The following RCSD1 variants were observed in gnomAD, a reference collection of about 807,000 sequenced individuals.
The protein encoded by RCSD1 is capZ-interacting protein.
RCSD1 carries 26 observed loss-of-function variants against 42.5 expected under a neutral mutation model. That is an observed-to-expected ratio of 0.61 (90% CI 0.45 to 0.85). The LOEUF is 0.85. Ranked by LOEUF, RCSD1 falls within the 40% of genes least tolerant of loss-of-function variation. The pLI, the probability that RCSD1 is intolerant of heterozygous loss-of-function variation, is 0.00. For missense variants in RCSD1, 571 were observed against 528.3 expected (o/e 1.08, Z -0.79); for synonymous variants, 220 against 212.2 (o/e 1.04, Z -0.32).
chr1:167,682,172 CTT>C (rs375451420), intron 1 of RCSD1, among the ~76,000 whole-genome samples: 15 of 140,396 alleles, frequency 1.1e-4, no homozygotes, highest in South Asian at 4.5e-4. Flanking sequence ...TAAACGAAGC[CTT>C]TTTTTTTTTT....
Position 167,697,843 on chromosome 1 carries a change from G to T in RCSD1, c.1218+1G>T. The T allele has an allele frequency of 1.4e-6, 2 of 1,460,980 alleles. No homozygotes were observed. The highest frequency in any genetic ancestry group is 2.8e-5 in the African/African-American group (2 of 70,482). 90.5% of individuals were successfully genotyped at this position (1,460,980 alleles called of 1,614,324 possible). The stretch of plus-strand genomic sequence containing the variant: ...CGAGCCAGCAGTCCCCAAGCCGGAG[G>T]TAGGTGGCCTGGCTCGTTCACATGC... On this transcript the variant is annotated splice_donor_variant, in intron 6 of 6. Transcript: ENST00000367854. LOFTEE classifies it high-confidence loss of function.
At chr1:167,703,416 G>T (rs1277573329) in intron 6 of RCSD1, among the ~76,000 whole-genome samples, 1 of 152,180 alleles carries the variant, frequency 6.6e-6, no homozygotes, top group Non-Finnish European at 1.5e-5. Flanking sequence ...TATTTTAGGA[G>T]GCCGAGGCAT....
chr1:167,645,046 G>C (rs1427004480), intron 1 of RCSD1, among the ~76,000 whole-genome samples: 3 of 152,162 alleles, frequency 2.0e-5, no homozygotes, highest in Non-Finnish European at 2.9e-5. Context: ...GGCAGGCCAC[G>C]GGGCTCTATC....
rs569178198 is a variant in RCSD1, at chr1:167,704,205, C to T, written c.1219-459C>T. On this transcript the variant is annotated intron_variant, in intron 6 of 6. Coordinates refer to ENST00000367854, the MANE Select transcript of RCSD1 (RefSeq NM_052862.4). Reference sequence around the variant, plus strand: ...TTTTCAACTCTTTCTGTCCTTTTTCCATTTATATGCTGCCTAAGAATCTTG... The same window carrying T: ...TTTTCAACTCTTTCTGTCCTTTTTCTATTTATATGCTGCCTAAGAATCTTG... 4.6e-5 allele frequency among the ~76,000 whole-genome samples: 7 copies of T among 152,148 alleles called. No individual in the cohort carries two copies. The East Asian group carries it at 1.4e-3, about 29-fold the overall frequency.
intron 6 of RCSD1, among the ~76,000 whole-genome samples, chr1:167,700,077 T>A (rs144308859): frequency 8.7e-4 from 132 of 152,362 alleles, no homozygotes; most frequent in African/African-American, 3.1e-3. Context: ...CTACAGAACC[T>A]GGAACATAGT....
At chr1:167,668,915 T>C (rs1401485804) in intron 1 of RCSD1, among the ~76,000 whole-genome samples, 1 of 152,188 alleles carries the variant, frequency 6.6e-6, no homozygotes, top group African/African-American at 2.4e-5. Context: ...CATTCATAAA[T>C]ACTTTCTAGA....
At chr1:167,641,157 G>A (rs1320681608) in intron 1 of RCSD1, among the ~76,000 whole-genome samples, 2 of 152,120 alleles carry the variant, frequency 1.3e-5, no homozygotes, top group East Asian at 3.9e-4. Flanking sequence ...GCAGTTGGGA[G>A]GGGAAGTCTG....
At chr1:167,689,279 C>T (rs1249086746) in intron 3 of RCSD1, among the ~76,000 whole-genome samples, 1 of 152,036 alleles carries the variant, frequency 6.6e-6, no homozygotes, top group African/African-American at 2.4e-5. Context: ...GTCAGGAGTT[C>T]GAGACCAACC....
intron 1 of RCSD1, among the ~76,000 whole-genome samples, chr1:167,681,411 T>C (rs1032074712): frequency 2.0e-5 from 3 of 152,176 alleles, no homozygotes; most frequent in Non-Finnish European, 4.4e-5. Flanking sequence ...TCTGCCAAGC[T>C]TCGACAAGCT....
intron 2 of RCSD1, among the ~76,000 whole-genome samples, chr1:167,685,000 G>A (rs189239247): frequency 2.2e-4 from 34 of 152,316 alleles, no homozygotes; most frequent in Non-Finnish European, 4.0e-4. Flanking sequence ...CTATTTCGGG[G>A]TTTTGTTTTC....
At chr1:167,632,227 G>C (rs1657718947) in intron 1 of RCSD1, among the ~76,000 whole-genome samples, 1 of 152,222 alleles carries the variant, frequency 6.6e-6, no homozygotes, top group African/African-American at 2.4e-5. Context: ...TTTAGAAGTG[G>C]CTTCCCTCTT....
chr1:167,661,573 C>T (rs1003024811), intron 1 of RCSD1, among the ~76,000 whole-genome samples: 5 of 152,378 alleles, frequency 3.3e-5, no homozygotes, highest in Admixed American at 2.6e-4. Flanking sequence ...AGTGGAGCCA[C>T]CTCTCCTGCA....
chr1:167,687,128 T>G (rs904497363), intron 3 of RCSD1, among the ~76,000 whole-genome samples: 1 of 152,192 alleles, frequency 6.6e-6, no homozygotes, highest in Non-Finnish European at 1.5e-5. Context: ...AAGGGCTGGT[T>G]AAGTCCAAGG....
intron 1 of RCSD1, among the ~76,000 whole-genome samples, chr1:167,650,385 C>T (rs945640201): frequency 1.3e-5 from 2 of 152,142 alleles, no homozygotes; most frequent in African/African-American, 4.8e-5. Flanking sequence ...TTGTGGCTTC[C>T]CTTTGAAGCT....
chr1:167,705,255 T>C lies in RCSD1; in HGVS notation c.*559T>C, dbSNP rs959727159. ...TTGTATCAAAACCCTAGAGACAACT[T>C]TTCAATTTGATCCAAATTTGAACTG... On this transcript the variant is annotated 3_prime_UTR_variant, in exon 7 of 7. Transcript: ENST00000367854. 1 of 152,278 alleles carries C rather than the reference T, an allele frequency of 6.6e-6. No individual in the cohort carries two copies. The highest frequency in any genetic ancestry group is 1.5e-5 in the Non-Finnish European group (1 of 68,112). 9.4% of individuals were successfully genotyped at this position (152,278 alleles called of 1,614,324 possible).
At chr1:167,692,680 A>T (rs74120632) in intron 4 of RCSD1, among the ~76,000 whole-genome samples, 2 of 151,992 alleles carry the variant, frequency 1.3e-5, no homozygotes, top group African/African-American at 4.8e-5. Context: ...GCTTTTTGAC[A>T]TGGTTTGGGC....
chr1:167,683,830 A>G (rs1659146629), intron 1 of RCSD1, 70 bp from the exon 2 acceptor site: 2 of 1,418,572 alleles, frequency 1.4e-6, no homozygotes, highest in African/African-American at 1.4e-5. Flanking sequence ...TTGCAGCCAC[A>G]AAACAGGTGC....
In RCSD1 at chr1:167,704,794, G is replaced by A. The variant is rs1659718725; in HGVS notation, c.*98G>A. 1.7e-6 allele frequency: 2 copies of A among 1,208,492 alleles called. No individual in the cohort carries two copies. Among genetic ancestry groups the A allele is most frequent in the East Asian group, 4.8e-5 (2 of 41,826 alleles). 74.9% of individuals were successfully genotyped at this position (1,208,492 alleles called of 1,614,324 possible). ...CAGCAGCAGACGAAGCCATTGCAGAGGCAGAATATGCTGAGTGTCTGGAGT... is the reference window on the plus strand; with the variant it reads ...CAGCAGCAGACGAAGCCATTGCAGAAGCAGAATATGCTGAGTGTCTGGAGT... On this transcript the variant is annotated 3_prime_UTR_variant, in exon 7 of 7. Coordinates refer to ENST00000367854, the MANE Select transcript of RCSD1 (RefSeq NM_052862.4).
intron 1 of RCSD1, among the ~76,000 whole-genome samples, chr1:167,657,461 T>A (rs984944652): frequency 2.0e-5 from 3 of 152,242 alleles, no homozygotes; most frequent in Non-Finnish European, 2.9e-5. Context: ...ACAGCATTTT[T>A]AAAAATATGT....
Sources: gnomAD v4.1 joint callset for allele counts (sites outside exome capture counted in the v4.1 genomes callset) on GRCh38, gnomAD v4.1.1 for gene constraint, MANE v1.5 for transcripts, NCBI Gene and HGNC (gene_info 2026-07-23, HGNC 2026-07-21) for gene names.